The following ADH5 variants were observed in gnomAD, a reference collection of about 807,000 sequenced individuals.
ADH5 encodes alcohol dehydrogenase 5 (class III), chi polypeptide, also known as alcohol dehydrogenase class-3.
A neutral mutation model predicts 40.3 loss-of-function variants in ADH5; 32 were observed. The ratio of observed to expected loss-of-function variants is 0.79; its 90% confidence interval spans 0.60 to 1.07. The LOEUF is 1.07. Among genes scored for constraint, ADH5 ranks in the 50% least tolerant of loss-of-function variants. The pLI, the probability that ADH5 is intolerant of heterozygous loss-of-function variation, is 0.00. For missense variants in ADH5, 353 were observed against 460.5 expected (o/e 0.77, Z 2.14); for synonymous variants, 125 against 154.3 (o/e 0.81, Z 1.41).
At chr4:99,075,085 CAG>C in intron 6 of ADH5, 36 bp from the exon 7 acceptor site, 1 of 1,490,902 alleles carries the variant, frequency 6.7e-7, no homozygotes, top group Non-Finnish European at 9.0e-7. Flanking sequence ...TCACAGAAGT[CAG>C]TGCATTTTCC....
chr4:99,077,845 G>GA (rs1727957603), intron 4 of ADH5, among the ~76,000 whole-genome samples: 1 of 152,182 alleles, frequency 6.6e-6, no homozygotes, highest in South Asian at 2.1e-4. Flanking sequence ...TCTTGCTTAG[G>GA]AGGACCCACC....
intron 2 of ADH5, among the ~76,000 whole-genome samples, chr4:99,084,024 C>T (rs988924077): frequency 3.3e-5 from 5 of 152,138 alleles, no homozygotes; most frequent in African/African-American, 1.2e-4. Context: ...CATTTTAAAG[C>T]TCTCTAAGCA....
chr4:99,082,180 C>T (rs1427464946), intron 2 of ADH5, 64 bp from the exon 3 acceptor site: 10 of 1,501,552 alleles, frequency 6.7e-6, no homozygotes, highest in Middle Eastern at 1.7e-4. Flanking sequence ...GGTACAGATA[C>T]AAGAAAAGTC....
intron 2 of ADH5, among the ~76,000 whole-genome samples, chr4:99,083,340 C>T (rs956398229): frequency 1.3e-5 from 2 of 152,056 alleles, no homozygotes; most frequent in Non-Finnish European, 2.9e-5. Context: ...TGGCTCACAC[C>T]TGTAATCCCA....
chr4:99,072,371 C>A lies in ADH5; in HGVS notation c.*46G>T, dbSNP rs1224950284. 6.3e-7 allele frequency: 1 copy of A among 1,598,064 alleles called. No homozygotes were observed. Among genetic ancestry groups the A allele is most frequent in the Admixed American group, 1.7e-5 (1 of 59,684 alleles). On this transcript the variant is annotated 3_prime_UTR_variant, in exon 9 of 9. Transcript: ENST00000296412. ...GCGCTTCTCCCTGCCTGTTAAGCTG[C>A]TCCTATCACATCACGACAGGATGGA... is the stretch of plus-strand genomic sequence containing the variant.
intron 1 of ADH5, 84 bp downstream of exon 1, chr4:99,088,605 C>T: frequency 2.2e-6 from 3 of 1,395,280 alleles, no homozygotes; most frequent in Non-Finnish European, 1.9e-6. Context: ...CGCCGAGCCT[C>T]GCGCGCCCCC....
At position 99,077,789 on chromosome 4, in the gene ADH5, G is replaced by T. The variant is rs528950469; in HGVS notation, c.345-866C>A. Reference sequence around the variant, plus strand: ...TACAAAGGCCACTGATATAATAAATGGTAACAAAAATTACTTTTGCTATTC... The same window carrying T: ...TACAAAGGCCACTGATATAATAAATTGTAACAAAAATTACTTTTGCTATTC... On this transcript the variant is annotated intron_variant, in intron 4 of 8. Transcript: ENST00000296412. Among the ~76,000 whole-genome samples the T allele has an allele frequency of 1.5e-3, 234 of 152,302 alleles. 2 individuals carry two copies. The highest frequency in any genetic ancestry group is 5.5e-3 in the African/African-American group (229 of 41,540).
rs1350290681 is a variant in ADH5 at position 99,071,807 on chromosome 4, A to G, written c.*610T>C. 2.0e-5 allele frequency: 3 copies of G among 152,470 alleles called. No individual in the cohort carries two copies. Among genetic ancestry groups the G allele is most frequent in the East Asian group, 3.8e-4 (2 of 5,210 alleles). 9.4% of individuals were successfully genotyped at this position (152,470 alleles called of 1,614,324 possible). On this transcript the variant is annotated 3_prime_UTR_variant, in exon 9 of 9. Coordinates refer to ENST00000296412, the MANE Select transcript of ADH5 (RefSeq NM_000671.4). ...TAGTACAGTCACAACCAACACATAC[A>G]TACACCTATTTAAGCCCAGAATGCT...
chr4:99,078,243 C>T (rs1727965289), intron 4 of ADH5, among the ~76,000 whole-genome samples: 1 of 152,042 alleles, frequency 6.6e-6, no homozygotes, highest in African/African-American at 2.4e-5. Flanking sequence ...CCAGGCTGAA[C>T]ACTATAATTT....
Position 99,085,230 on chromosome 4 carries a change from A to G in ADH5, c.13-14T>C. On this transcript the variant is annotated splice_polypyrimidine_tract_variant and intron_variant, in intron 1 of 8. Coordinates refer to ENST00000296412, the MANE Select transcript of ADH5 (RefSeq NM_000671.4). ...GCACTTGATAACCTGAAGTGGGGAA[A>G]AAAGGGAATAAGCTGTTTATCCTCC... The G allele has an allele frequency of 7.1e-7, 1 of 1,417,388 alleles. No individual in the cohort carries two copies. Among genetic ancestry groups the G allele is most frequent in the Non-Finnish European group, 9.4e-7 (1 of 1,061,794 alleles). The allele number at this position is 1,417,388 out of a possible 1,614,324, so 87.8% of individuals were successfully genotyped here.
At chr4:99,082,146 A>G in intron 2 of ADH5, 30 bp from the exon 3 acceptor site, 1 of 1,609,360 alleles carries the variant, frequency 6.2e-7, no homozygotes, top group Non-Finnish European at 8.5e-7. Context: ...ACGAATGTGT[A>G]AGTATGTGTG....
chr4:99,088,721 G>A lies in ADH5; in HGVS notation c.-21C>T, dbSNP rs868672962. 4.4e-6 allele frequency: 7 copies of A among 1,605,992 alleles called. No individual in the cohort carries two copies. The highest frequency in any genetic ancestry group is 3.3e-4 in the Middle Eastern group (2 of 6,052). On this transcript the variant is annotated 5_prime_UTR_variant, in exon 1 of 9. Transcript: ENST00000296412. ...GCCATGTTCACGGATTCTGGTCGGC[G>A]CGGGGGGCTGACATCCGGGGTGGGC...
In ADH5 at chr4:99,072,440, T is replaced by G; in HGVS notation, c.1102A>C (p.Ile368Leu). Residue 368 changes from isoleucine (I) to leucine (L), a missense_variant and splice_region_variant, in exon 9 of 9, where the codon ATT becomes CTT. By Grantham distance (5) the Ile-to-Leu change is conservative. Coordinates refer to ENST00000296412, the MANE Select transcript of ADH5 (RefSeq NM_000671.4). ...AATTAAATCTTTACAACAGTTCGAATGCTGTAAAAGGAAGCAACATACTAA... is the reference window on the plus strand; with the variant it reads ...AATTAAATCTTTACAACAGTTCGAAGGCTGTAAAAGGAAGCAACATACTAA... ...AFELMHSGKS[I>L]RTVVKI 1.9e-6 allele frequency: 3 copies of G among 1,613,442 alleles called. No homozygotes were observed. The highest frequency in any genetic ancestry group is 2.5e-6 in the Non-Finnish European group (3 of 1,179,518).
chr4:99,085,403 GA>G (rs1202729928), intron 1 of ADH5, 187 bp from the exon 2 acceptor site: 1 of 423,980 alleles, frequency 2.4e-6, no homozygotes, highest in East Asian at 3.5e-5. Flanking sequence ...TGATTTAATT[GA>G]GATGATTACC....
chr4:99,082,997 C>T (rs1185195160), intron 2 of ADH5, among the ~76,000 whole-genome samples: 3 of 152,084 alleles, frequency 2.0e-5, no homozygotes, highest in Admixed American at 2.0e-4. Context: ...TTTAAAGCCA[C>T]CAAAAGCACA....
chr4:99,088,198 G>A (rs1579368544), intron 1 of ADH5, among the ~76,000 whole-genome samples: 2 of 152,264 alleles, frequency 1.3e-5, no homozygotes, highest in South Asian at 2.1e-4. Flanking sequence ...AGGGACGTAG[G>A]GGTCTTTCCA....
At chr4:99,084,170 T>G (rs1728084168) in intron 2 of ADH5, among the ~76,000 whole-genome samples, 1 of 152,168 alleles carries the variant, frequency 6.6e-6, no homozygotes, top group Non-Finnish European at 1.5e-5. Context: ...GAATAGGCGC[T>G]GGGTAAAATA....
chr4:99,088,612 C>T, intron 1 of ADH5, 77 bp downstream of exon 1: 1 of 1,420,162 alleles, frequency 7.0e-7, no homozygotes, highest in South Asian at 1.5e-5. Flanking sequence ...CCTCGCGCGC[C>T]CCCGAGGATA....
chr4:99,087,381 C>G (rs923840735), intron 1 of ADH5, among the ~76,000 whole-genome samples: 4 of 52,546 alleles, frequency 7.6e-5, no homozygotes, highest in African/African-American at 3.1e-4. Context: ...GAAACTCCGT[C>G]TGAACTGGCG....
Sources: gnomAD v4.1 joint callset for allele counts (sites outside exome capture counted in the v4.1 genomes callset) on GRCh38, gnomAD v4.1.1 for gene constraint, MANE v1.5 for transcripts, NCBI Gene and HGNC (gene_info 2026-07-23, HGNC 2026-07-21) for gene names.